ATG2B: variants seen among roughly 807,000 people sequenced by gnomAD.
ATG2B encodes the protein autophagy related 2B.
ATG2B carries 121 observed loss-of-function variants against 241.3 expected under a neutral mutation model. The ratio of observed to expected loss-of-function variants is 0.50; its 90% confidence interval spans 0.43 to 0.58. The LOEUF is 0.58. ATG2B is among the 20% of genes least tolerant of loss of function. The pLI is 0.00. For synonymous variants in ATG2B, 858 were observed against 876.6 expected (o/e 0.98, Z 0.37); for missense variants, 2,306 against 2,491.6 (o/e 0.93, Z 1.59).
chr14:96,297,872 G>A (rs1261007561), intron 34 of ATG2B, among the ~76,000 whole-genome samples: 1 of 151,964 alleles, frequency 6.6e-6, no homozygotes, highest in Non-Finnish European at 1.5e-5. Context: ...GCTCACTGCA[G>A]CCTCCACCTC....
chr14:96,301,141 G>C (rs922018126), intron 34 of ATG2B, among the ~76,000 whole-genome samples: 1 of 152,152 alleles, frequency 6.6e-6, no homozygotes, highest in Non-Finnish European at 1.5e-5. Flanking sequence ...TAACATTACT[G>C]ATCCCTAACC....
rs1274309018 is a variant in ATG2B, at chr14:96,295,053, T to C, written c.5333A>G (p.Asp1778Gly). 5 of 1,614,102 alleles carry C rather than the reference T, an allele frequency of 3.1e-6. No homozygotes were observed. The African/African-American group carries it at 5.3e-5, about 17-fold the overall frequency. Residue 1778 changes from aspartate (D) to glycine (G), a missense_variant, in exon 36 of 42, where the codon GAT becomes GGT. Around this residue, in one of 2 missense-constraint regions of ATG2B, gnomAD observed 379 missense variants for 480.4 expected, o/e 0.79. Transcript: ENST00000359933. ...FSGPKQPSQN[D>G]SANSVEVVNG... ...AACCACTTCCACTGAATTGGCACTA[T>C]CATTTTGGGAAGGCTGTTTTGGCCC... is the stretch of plus-strand genomic sequence containing the variant.
Position 96,358,854 on chromosome 14 carries a change from CAT to C in ATG2B, c.162+3959_162+3960del, listed in dbSNP as rs777766018. Among the ~76,000 whole-genome samples, 7 of 152,030 alleles carry C rather than the reference CAT, an allele frequency of 4.6e-5. No homozygotes were observed. The East Asian group carries it at 9.6e-4, about 21-fold the overall frequency. On this transcript the variant is annotated intron_variant, in intron 1 of 41. Transcript: ENST00000359933. ...ACTACTCAGCAAATAAATGCCCCAC[CAT>C]AGAGTCCTTTAGAGCTTTTTATTCT...
chr14:96,321,420 C>A (rs1252068512), intron 18 of ATG2B, among the ~76,000 whole-genome samples: 4 of 152,146 alleles, frequency 2.6e-5, no homozygotes, highest in African/African-American at 9.7e-5. Context: ...TAACAGACAA[C>A]CACTAAGTTC....
chr14:96,313,369 T>C lies in ATG2B; in HGVS notation c.3709A>G (p.Thr1237Ala). 4 of 1,599,318 alleles carry C rather than the reference T, an allele frequency of 2.5e-6. No individual in the cohort carries two copies. The highest frequency in any genetic ancestry group is 2.3e-5 in the South Asian group (2 of 86,992). ...CAGCTCCAAAGATGAACATGAAAAG[T>C]TGTAAATGAAGTTGGAGGATTATAT... ...LGYNPPTSFTTFHVHLWSCAL... is the reference protein window; with the variant it reads ...LGYNPPTSFTAFHVHLWSCAL... The change falls in exon 24 of 42, where the codon ACT (threonine) becomes GCT (alanine). Residue 1237 changes from threonine (T) to alanine (A), a missense_variant. Physicochemically the swap from Thr to Ala is moderately conservative, Grantham distance 58. Transcript: ENST00000359933.
chr14:96,286,092 G>A (rs1886329724), intron 41 of ATG2B, 107 bp from the exon 42 acceptor site: 1 of 778,086 alleles, frequency 1.3e-6, no homozygotes, highest in South Asian at 2.0e-5. Context: ...GTAACATTAT[G>A]TTTGTAACCA....
At chr14:96,316,038 T>C (rs1019322543) in intron 21 of ATG2B, among the ~76,000 whole-genome samples, 2 of 152,174 alleles carry the variant, frequency 1.3e-5, no homozygotes, top group African/African-American at 4.8e-5. Flanking sequence ...CAGATACAAC[T>C]TGGATGAACT....
Position 96,303,295 on chromosome 14 carries a change from C to T in ATG2B, c.4843-40G>A, listed in dbSNP as rs754625776. On this transcript the variant is annotated intron_variant, in intron 32 of 41. Transcript: ENST00000359933. Reference sequence around the variant, plus strand: ...AGGAAGAACGCGGAACAGTTCTTTACATTCCTTTTATTAAATTGTATTTTC... The same window carrying T: ...AGGAAGAACGCGGAACAGTTCTTTATATTCCTTTTATTAAATTGTATTTTC... The T allele has an allele frequency of 5.8e-6, 8 of 1,383,896 alleles. 1 individual carries two copies. Among genetic ancestry groups the T allele is most frequent in the Middle Eastern group, 3.8e-4 (2 of 5,256 alleles). 85.7% of individuals were successfully genotyped at this position (1,383,896 alleles called of 1,614,324 possible). A position where few individuals can be genotyped will look rare whatever the true frequency, so the allele number is the denominator to read the frequency against.
intron 1 of ATG2B, among the ~76,000 whole-genome samples, chr14:96,360,913 C>G (rs1334023899): frequency 3.6e-5 from 2 of 56,142 alleles, no homozygotes; most frequent in Middle Eastern, 0.017. Context: ...GGCAACAAAG[C>G]AAGAGAATGA....
chr14:96,355,856 G>A (rs1204998024), intron 1 of ATG2B, among the ~76,000 whole-genome samples: 1 of 152,108 alleles, frequency 6.6e-6, no homozygotes, highest in African/African-American at 2.4e-5. Flanking sequence ...AATTCAAATC[G>A]AGATAAGACA....
rs139161893 is a variant in ATG2B at position 96,285,835 on chromosome 14, C to T, written c.6157G>A (p.Val2053Met). Residue 2053 changes from valine to methionine, a missense_variant, in exon 42 of 42, where the codon GTG (valine) becomes ATG (methionine). Physicochemically the swap from Val to Met is conservative, Grantham distance 21. Around this residue, in one of 2 missense-constraint regions of ATG2B, gnomAD observed 379 missense variants for 480.4 expected, o/e 0.79. Transcript: ENST00000359933. This position sits in a 1 kb window ranked among gnomAD's most constrained non-coding sequence, Gnocchi z 4.2. Reference sequence around the variant, plus strand: ...ATTTGGTTTCTCATGCCACCCAGCACGTTTGACGTTGCTTCTGTGGCAACA... The same window carrying T: ...ATTTGGTTTCTCATGCCACCCAGCATGTTTGACGTTGCTTCTGTGGCAACA... ...LIVATEATSN[V>M]LGGMRNQIRP... The T allele has an allele frequency of 4.5e-5, 73 of 1,614,010 alleles. No homozygotes were observed. The highest frequency in any genetic ancestry group is 3.3e-4 in the Middle Eastern group (2 of 6,064).
chr14:96,324,000 TAA>T lies in ATG2B; in HGVS notation c.2438-4_2438-3del, dbSNP rs34296665. ...CTCCTTTCTCTTCCTGGAACGATCCTAAAAAAAAAGACTGATTTACTGAAATG... is the reference window on the plus strand; with the variant it reads ...CTCCTTTCTCTTCCTGGAACGATCCTAAAAAAAGACTGATTTACTGAAATG... On this transcript the variant is annotated splice_polypyrimidine_tract_variant and splice_region_variant and intron_variant, in intron 15 of 41. Transcript: ENST00000359933. The T allele has an allele frequency of 7.9e-6, 12 of 1,521,714 alleles. No individual in the cohort carries two copies. The Admixed American group carries it at 9.7e-5, about 12-fold the overall frequency. 94.3% of individuals were successfully genotyped at this position (1,521,714 alleles called of 1,614,324 possible).
In ATG2B at chr14:96,328,742, C is replaced by T; in HGVS notation, c.1906G>A (p.Glu636Lys). The T allele has an allele frequency of 6.2e-7, 1 of 1,611,320 alleles. No homozygotes were observed. Among genetic ancestry groups the T allele is most frequent in the Non-Finnish European group, 8.5e-7 (1 of 1,178,758 alleles). The change falls in exon 13 of 42, where the codon GAA becomes AAA. Residue 636 changes from glutamate to lysine, a missense_variant. By Grantham distance (56) the Glu-to-Lys change is moderately conservative. Around this residue, in one of 2 missense-constraint regions of ATG2B, gnomAD observed 1,927 missense variants for 2,011.2 expected, o/e 0.96. Coordinates refer to ENST00000359933, the MANE Select transcript of ATG2B (RefSeq NM_018036.7). ...TELLTFHSKE[E>K]TGSHSPVCLQ... ...CACACAGGGGAATGGGAACCAGTTT[C>T]TTCTTTGGAATGGAACGTTAAAAGC...
intron 1 of ATG2B, among the ~76,000 whole-genome samples, chr14:96,354,698 ACT>A (rs1347267632): frequency 6.6e-6 from 1 of 152,200 alleles, no homozygotes; most frequent in African/African-American, 2.4e-5. Context: ...GAATCGCCAC[ACT>A]GTCTTCCATA....
intron 32 of ATG2B, among the ~76,000 whole-genome samples, chr14:96,303,691 T>A (rs1016686658): frequency 2.6e-5 from 4 of 152,200 alleles, no homozygotes; most frequent in Non-Finnish European, 1.5e-5. Context: ...TAAAGTTCAG[T>A]ACTATTTGCA....
intron 36 of ATG2B, among the ~76,000 whole-genome samples, chr14:96,293,655 ATTCAT>A (rs1227705630): frequency 1.3e-5 from 2 of 152,242 alleles, no homozygotes; most frequent in Non-Finnish European, 2.9e-5. Context: ...CTCTCTGGGC[ATTCAT>A]TTCCTCATTT....
At chr14:96,296,946 T>C (rs1469138630) in intron 34 of ATG2B, among the ~76,000 whole-genome samples, 1 of 151,890 alleles carries the variant, frequency 6.6e-6, no homozygotes, top group African/African-American at 2.4e-5. Context: ...AAGGATATCC[T>C]AGGTAACATG....
rs758842990 is a variant in ATG2B at position 96,309,558 on chromosome 14, C to T, written c.4198G>A (p.Val1400Ile). ...ATTTGTTGATCTGCTTCAGGAAGTA[C>T]TGGACCACGTGAGGATGATCGACCA... is the stretch of plus-strand genomic sequence containing the variant. Reference protein sequence around the residue: ...SSGRSSSRGPVLPEADQQMLR... With the variant: ...SSGRSSSRGPILPEADQQMLR... The change falls in exon 29 of 42, where the codon GTA (valine) becomes ATA (isoleucine). Residue 1400 changes from valine to isoleucine, a missense_variant. Transcript: ENST00000359933. The T allele has an allele frequency of 5.0e-6, 8 of 1,613,902 alleles. No individual in the cohort carries two copies. The Admixed American group carries it at 5.0e-5, about 10-fold the overall frequency.
chr14:96,361,169 T>A (rs11627034), intron 1 of ATG2B, among the ~76,000 whole-genome samples: 1,567 of 152,238 alleles, frequency 0.01, 13 homozygotes, highest in Non-Finnish European at 0.017. Context: ...TAATAAATCA[T>A]TTTGCCAATG....
Sources: allele counts gnomAD v4.1 joint callset (sites outside exome capture counted in the v4.1 genomes callset), GRCh38; gene constraint gnomAD v4.1.1; regional missense constraint gnomAD v4.1.1; non-coding constraint Gnocchi (gnomAD v3.1); transcripts MANE v1.5; gene names NCBI Gene and HGNC (gene_info 2026-07-23, HGNC 2026-07-21).